Variants in NBPF12 observed in about 807,000 individuals in gnomAD.
NBPF12 encodes NBPF member 12.
A neutral mutation model predicts 146.4 loss-of-function variants in NBPF12; 115 were observed. That is an observed-to-expected ratio of 0.79 (90% CI 0.68 to 0.92). NBPF12 has a LOEUF of 0.92. Among genes scored for constraint, NBPF12 ranks in the 40% least tolerant of loss-of-function variants. The pLI, the probability that NBPF12 is intolerant of heterozygous loss-of-function variation, is 0.00. For synonymous variants in NBPF12, 385 were observed against 508.9 expected (o/e 0.76, Z 3.28); for missense variants, 1,205 against 1,326.8 (o/e 0.91, Z 1.43).
At chr1:146,994,341 C>T (rs1420646498) in exon 34 of NBPF12, 19 of 1,610,746 alleles carry the variant, frequency 1.2e-5, no homozygotes, top group Admixed American at 1.0e-4. Context: ...GGCTCAACAG[C>T]GTGCTGATGG....
upstream of NBPF12, among the ~76,000 whole-genome samples, chr1:146,945,480 C>G (rs1655010498): frequency 6.6e-6 from 1 of 151,922 alleles, no homozygotes; most frequent in African/African-American, 2.4e-5. Flanking sequence ...GGGGGCACCC[C>G]AGGGTTAGAG....
At chr1:146,969,697 T>TC (rs1262199142) in intron 11 of NBPF12, 101 bp downstream of exon 14, 1 of 1,558,544 alleles carries the variant, frequency 6.4e-7, no homozygotes, top group Non-Finnish European at 8.8e-7. Context: ...GGGGTTTTTT[T>TC]CTACTACACA....
chr1:146,977,212 TG>T (rs1657099420), intron 17 of NBPF12, among the ~76,000 whole-genome samples: 3 of 137,072 alleles, frequency 2.2e-5, no homozygotes. Flanking sequence ...CAGGGATAGC[TG>T]AGTCTTCATC....
At chr1:146,956,236 G>A (rs1384249031) in intron 2 of NBPF12, among the ~76,000 whole-genome samples, 4 of 151,806 alleles carry the variant, frequency 2.6e-5, no homozygotes, top group Non-Finnish European at 5.9e-5. Flanking sequence ...AAATTACATT[G>A]ATGCATGAAA....
At chr1:146,956,328 G>T (rs1399809124) in intron 2 of NBPF12, among the ~76,000 whole-genome samples, 1 of 152,012 alleles carries the variant, frequency 6.6e-6, no homozygotes, top group Admixed American at 6.6e-5. Flanking sequence ...AGTGACAGTG[G>T]CTCCTTGGGG....
chr1:146,992,153 C>G (rs1229641312), intron 31 of NBPF12, 107 bp downstream of exon 34: 1 of 556,584 alleles, frequency 1.8e-6, no homozygotes, highest in Non-Finnish European at 3.1e-6. Flanking sequence ...TTCAACCAAG[C>G]CTGAATTATT....
intron 7 of NBPF12, among the ~76,000 whole-genome samples, chr1:146,964,637 G>T (rs1374225008): frequency 6.6e-6 from 1 of 151,934 alleles, no homozygotes; most frequent in African/African-American, 2.4e-5. Flanking sequence ...TACAGGGATA[G>T]CTGAGTCTTC....
At chr1:146,994,547 T>A in exon 34 of NBPF12, 1 of 1,609,204 alleles carries the variant, frequency 6.2e-7, no homozygotes, top group South Asian at 1.1e-5. Context: ...CACCTGGTCT[T>A]CCAGATGGGA....
chr1:146,939,808 C>T (rs1226320194), intron 1 of NBPF12, among the ~76,000 whole-genome samples: 31 of 151,884 alleles, frequency 2.0e-4, no homozygotes, highest in African/African-American at 7.0e-4. Flanking sequence ...ACTGTGAAAC[C>T]CCATCTCTAC....
intron 19 of NBPF12, among the ~76,000 whole-genome samples, chr1:146,981,294 A>AAAT (rs1162326884): frequency 1.3e-3 from 118 of 90,220 alleles, no homozygotes; most frequent in Middle Eastern, 0.012. Context: ...AAAAAAAAAA[A>AAAT]ATATATATAT....
At chr1:146,951,119 C>T in intron 1 of NBPF12, among the ~76,000 whole-genome samples, 1 of 152,122 alleles carries the variant, frequency 6.6e-6, no homozygotes, top group South Asian at 2.1e-4. Context: ...CTGATGACTT[C>T]AGGGACATGA....
At chr1:146,971,392 C>T in exon 13 of NBPF12, 1 of 1,609,196 alleles carries the variant, frequency 6.2e-7, no homozygotes. Context: ...AACATTCTCC[C>T]AGGTAGCCTC....
chr1:146,964,353 A>G lies in NBPF12; in HGVS notation c.494-4A>G, dbSNP rs1338669252. The G allele has an allele frequency of 1.3e-4, 211 of 1,603,104 alleles. 2 individuals carry two copies. In the Middle Eastern group the frequency reaches 3.2e-3, roughly 24 times the overall value. On this transcript the variant is annotated splice_polypyrimidine_tract_variant and splice_region_variant and intron_variant, in intron 6 of 33. Coordinates refer to ENST00000617844, the Ensembl canonical transcript of NBPF12. Reference sequence around the variant, plus strand: ...ATATCTGAATGAACATTTTGTATTTATAGAAAATGATGAAGATGAGGATGA... The same window carrying G: ...ATATCTGAATGAACATTTTGTATTTGTAGAAAATGATGAAGATGAGGATGA...
chr1:146,960,174 G>A (rs1286362225), exon 4 of NBPF12: 44 of 676,192 alleles, frequency 6.5e-5, no homozygotes, highest in Non-Finnish European at 9.2e-5. Flanking sequence ...TTGGTCCAGC[G>A]AGAAGGCAGA....
At chr1:146,982,963 A>C (rs1657485847) in exon 20 of NBPF12, 2 of 1,609,034 alleles carry the variant, frequency 1.2e-6, no homozygotes, top group Non-Finnish European at 1.7e-6. Flanking sequence ...GAAGTCCCCC[A>C]GGAGTCCTGG....
intron 21 of NBPF12, 70 bp from the exon 25 acceptor site, chr1:146,984,743 G>A (rs1227461738): frequency 1.1e-5 from 9 of 822,510 alleles, no homozygotes; most frequent in East Asian, 2.4e-5. Context: ...TGTTAGCCAT[G>A]AAATCTAGCT....
At chr1:146,942,473 C>T (rs1654850183) in intron 1 of NBPF12, among the ~76,000 whole-genome samples, 2 of 151,816 alleles carry the variant, frequency 1.3e-5, no homozygotes, top group African/African-American at 4.9e-5. Flanking sequence ...ACTGTATTCT[C>T]AGTACTTGAC....
chr1:146,994,182 C>T, intron 33 of NBPF12, 150 bp from the exon 37 acceptor site: 6 of 1,487,818 alleles, frequency 4.0e-6, no homozygotes, highest in Non-Finnish European at 5.5e-6. Flanking sequence ...CCTGTTCTAT[C>T]CCAACATAAA....
intron 1 of NBPF12, among the ~76,000 whole-genome samples, chr1:146,940,561 A>G (rs1480671267): frequency 6.6e-6 from 1 of 152,000 alleles, no homozygotes; most frequent in Non-Finnish European, 1.5e-5. Context: ...GCCTCAAAAA[A>G]AAAAAAAAAA....
Sources: gnomAD v4.1 joint callset for allele counts (sites outside exome capture counted in the v4.1 genomes callset) on GRCh38, gnomAD v4.1.1 for gene constraint, MANE v1.5 for transcripts, NCBI Gene and HGNC (gene_info 2026-07-23, HGNC 2026-07-21) for gene names.